The following OCM variants were observed in gnomAD, a reference collection of about 807,000 sequenced individuals.
The protein encoded by OCM is oncomodulin.
OCM carries 18 observed loss-of-function variants against 14.1 expected under a neutral mutation model. The observed-to-expected ratio is 1.28, with a 90% CI of 0.88 to 1.89. The LOEUF (loss-of-function observed/expected upper bound fraction) is 1.89, where lower values mean the gene tolerates loss of function less well. Among genes scored for constraint, OCM ranks in the 40% most tolerant of loss-of-function variants. OCM has a pLI of 0.00. For synonymous variants in OCM, 48 were observed against 51.0 expected, an observed-to-expected ratio of 0.94 and a Z score of 0.25; for missense variants, 140 against 137.6, an observed-to-expected ratio of 1.02 and a Z score of -0.09.
intron 1 of OCM, 125 bp downstream of exon 1, chr7:5,881,075 T>G: frequency 1.1e-6 from 1 of 913,438 alleles, no homozygotes; most frequent in Non-Finnish European, 1.7e-6. Context: ...TCCCAGCACT[T>G]TGGGAGGCCG....
the OCM span, among the ~76,000 whole-genome samples, chr7:5,863,675 G>C: frequency 6.6e-6 from 1 of 152,018 alleles, no homozygotes; most frequent in African/African-American, 2.4e-5. Flanking sequence ...TGGGATTACA[G>C]GTGCGCACCA....
the OCM span, among the ~76,000 whole-genome samples, chr7:5,871,068 C>G: frequency 1.1e-3 from 165 of 152,054 alleles, no homozygotes; most frequent in African/African-American, 3.8e-3. Flanking sequence ...CCCAGAAAGC[C>G]AGGCGCAGTG....
At chr7:5,864,680 C>T in the OCM span, among the ~76,000 whole-genome samples, 1 of 151,750 alleles carries the variant, frequency 6.6e-6, no homozygotes, top group Non-Finnish European at 1.5e-5. Flanking sequence ...ATAGGCCGGG[C>T]ACCGTGGCTC....
chr7:5,863,843 G>A, the OCM span, among the ~76,000 whole-genome samples: 462 of 152,172 alleles, frequency 3.0e-3, 4 homozygotes, highest in South Asian at 0.017. Flanking sequence ...GATGGTTCAT[G>A]TTATAGCTAA....
At chr7:5,878,542 C>T (rs1199984019), upstream of OCM, among the ~76,000 whole-genome samples, 2 of 150,512 alleles carry the variant, frequency 1.3e-5, no homozygotes, top group Admixed American at 1.3e-4. Context: ...GTCAGGAGAT[C>T]AAGACCATCC....
At chr7:5,871,223 C>T in the OCM span, among the ~76,000 whole-genome samples, 1 of 151,346 alleles carries the variant, frequency 6.6e-6, no homozygotes, top group East Asian at 2.0e-4. Context: ...GGTATGGCGG[C>T]GTGTGCCCAT....
upstream of OCM, among the ~76,000 whole-genome samples, chr7:5,878,539 G>A (rs1416400124): frequency 6.6e-6 from 1 of 151,660 alleles, no homozygotes; most frequent in Non-Finnish European, 1.5e-5. Context: ...GAGGTCAGGA[G>A]ATCAAGACCA....
upstream of OCM, among the ~76,000 whole-genome samples, chr7:5,875,637 A>G (rs2128605620): frequency 6.6e-6 from 1 of 152,006 alleles, no homozygotes; most frequent in Admixed American, 6.6e-5. Flanking sequence ...TTTCTATCAG[A>G]AAAATAGCAT....
At chr7:5,878,832 C>T (rs1006424434), upstream of OCM, among the ~76,000 whole-genome samples, 2 of 137,120 alleles carry the variant, frequency 1.5e-5, no homozygotes, top group African/African-American at 5.5e-5. Flanking sequence ...CAGTCTAGCA[C>T]AGTGCTGGCC....
At chr7:5,864,692 C>G in the OCM span, among the ~76,000 whole-genome samples, 1 of 152,230 alleles carries the variant, frequency 6.6e-6, no homozygotes, top group African/African-American at 2.4e-5. Flanking sequence ...CCGTGGCTCA[C>G]ACCTGTAATC....
chr7:5,880,674 A>G (rs1414165688), upstream of OCM: 11 of 487,292 alleles, frequency 2.3e-5, no homozygotes, highest in Non-Finnish European at 3.7e-5. Flanking sequence ...CAGGAGAATC[A>G]CTTGAGCCCA....
intron 3 of OCM, 125 bp from the exon 4 acceptor site, chr7:5,885,939 G>A: frequency 3.6e-6 from 3 of 839,642 alleles, no homozygotes; most frequent in Non-Finnish European, 6.0e-6. Flanking sequence ...CCTCCAAGGG[G>A]GCCATGCCCA....
chr7:5,877,976 C>G (rs1356489891), upstream of OCM, among the ~76,000 whole-genome samples: 1 of 145,044 alleles, frequency 6.9e-6, no homozygotes, highest in Non-Finnish European at 1.5e-5. Context: ...CAGTCAAACT[C>G]TTTTTTTTTT....
intron 1 of OCM, among the ~76,000 whole-genome samples, chr7:5,881,629 C>CTAAA (rs113644646): frequency 6.1e-4 from 90 of 148,738 alleles, no homozygotes; most frequent in South Asian, 1.5e-3. Context: ...GACTCTGGCT[C>CTAAA]TAAATAAATA....
At chr7:5,872,847 C>T in the OCM span, among the ~76,000 whole-genome samples, 8 of 151,762 alleles carry the variant, frequency 5.3e-5, no homozygotes, top group East Asian at 9.6e-4. Context: ...TCCCCCTCTC[C>T]GAGAAACACC....
upstream of OCM, among the ~76,000 whole-genome samples, chr7:5,877,901 A>G (rs1198973149): frequency 4.6e-5 from 7 of 151,938 alleles, no homozygotes; most frequent in Middle Eastern, 3.4e-3. Flanking sequence ...ATACTCAGTG[A>G]AATAAGCCAG....
rs923940700 is a variant in OCM at position 5,883,940 on chromosome 7, A to C, written c.245A>C (p.Glu82Ala). ...GGTGCCAGAGAACTGACCGAGTCAG[A>C]AACCAAGTCCTTGATGGCTGCGGCG... Reference protein sequence around the residue: ...ESGARELTESETKSLMAAADN... With the variant: ...ESGARELTESATKSLMAAADN... The change falls in exon 3 of 4, where the codon GAA (glutamate) becomes GCA (alanine). Residue 82 changes from glutamate (E) to alanine (A), a missense_variant. Coordinates refer to ENST00000242104, the MANE Select transcript of OCM (RefSeq NM_001097622.2). 5 of 1,613,544 alleles carry C rather than the reference A, an allele frequency of 3.1e-6. No homozygotes were observed. The African/African-American group carries it at 6.7e-5, about 22-fold the overall frequency.
At chr7:5,877,617 G>C (rs1243105838), upstream of OCM, among the ~76,000 whole-genome samples, 1 of 151,752 alleles carries the variant, frequency 6.6e-6, no homozygotes, top group Non-Finnish European at 1.5e-5. Flanking sequence ...TCAGGAGTTC[G>C]AGACCAGCCT....
chr7:5,862,995 G>A, the OCM span, among the ~76,000 whole-genome samples: 1 of 152,006 alleles, frequency 6.6e-6, no homozygotes, highest in African/African-American at 2.4e-5. Context: ...TTTATCTTAT[G>A]TAAAATGTAG....
Sources: gnomAD v4.1 joint callset for allele counts (sites outside exome capture counted in the v4.1 genomes callset) on GRCh38, gnomAD v4.1.1 for gene constraint, MANE v1.5 for transcripts, NCBI Gene and HGNC (gene_info 2026-07-23, HGNC 2026-07-21) for gene names.